Variants in MANBA observed in about 807,000 individuals in gnomAD.
The protein encoded by MANBA is mannosidase beta, also known as beta-mannosidase.
MANBA carries 83 observed loss-of-function variants against 111.1 expected under a neutral mutation model. The ratio of observed to expected loss-of-function variants is 0.75; its 90% CI spans 0.63 to 0.90. The LOEUF is 0.90. Ranked by LOEUF, MANBA falls within the 40% of genes least tolerant of loss-of-function variation. The probability of loss-of-function intolerance (pLI) is 0.00; values close to 1 mark genes in which losing one functional copy is unlikely to be tolerated. For missense variants in MANBA, 1,036 were observed against 1,069.0 expected (o/e 0.97, Z 0.43); for synonymous variants, 370 against 378.7 (o/e 0.98, Z 0.27).
chr4:102,730,471 G>A (rs547666594), intron 1 of MANBA: 2 of 518,652 alleles, frequency 3.9e-6, no homozygotes, highest in South Asian at 3.1e-5. Flanking sequence ...TGCACTGCGG[G>A]GGCGGTTCCT....
chr4:102,684,642 C>G (rs756315944), intron 7 of MANBA, among the ~76,000 whole-genome samples: 12 of 152,140 alleles, frequency 7.9e-5, no homozygotes, highest in African/African-American at 1.4e-4. Flanking sequence ...AGCAGTCCCC[C>G]CTTATCTGCA....
intron 1 of MANBA, chr4:102,728,211 G>C: frequency 1.9e-6 from 1 of 538,060 alleles, no homozygotes; most frequent in Non-Finnish European, 3.8e-6. Context: ...CTTGGGGCTG[G>C]ACTCCTGAGC....
At chr4:102,721,392 C>T (rs943164494) in intron 4 of MANBA, among the ~76,000 whole-genome samples, 1 of 151,610 alleles carries the variant, frequency 6.6e-6, no homozygotes, top group Non-Finnish European at 1.5e-5. Flanking sequence ...ATAGAATTAC[C>T]ATATGATCCA....
intron 1 of MANBA, chr4:102,730,024 G>C: frequency 1.2e-6 from 1 of 808,768 alleles, no homozygotes; most frequent in Non-Finnish European, 2.1e-6. Context: ...CCTCCGCCCA[G>C]ACAACCTTGG....
At chr4:102,661,645 G>A (rs901151338) in intron 11 of MANBA, among the ~76,000 whole-genome samples, 4 of 152,182 alleles carry the variant, frequency 2.6e-5, no homozygotes, top group African/African-American at 4.8e-5. Flanking sequence ...TTGGCACGCT[G>A]AGCCATGCAG....
chr4:102,723,974 A>T lies in MANBA; in HGVS notation c.273-7T>A, dbSNP rs1293554986. The T allele has an allele frequency of 2.0e-6, 3 of 1,526,120 alleles. No individual in the cohort carries two copies. The highest frequency in any genetic ancestry group is 2.3e-5 in the East Asian group (1 of 44,262). 94.5% of individuals were successfully genotyped at this position (1,526,120 alleles called of 1,614,324 possible). On this transcript the variant is annotated splice_region_variant and splice_polypyrimidine_tract_variant and intron_variant, in intron 2 of 16. Transcript: ENST00000647097. ...ATTTACTTTTTGCCATTTGCTAAAA[A>T]AAAGAAAAGATTTTTAAAACAAGAT...
intron 5 of MANBA, among the ~76,000 whole-genome samples, chr4:102,713,939 T>C (rs1722212442): frequency 6.6e-6 from 1 of 151,960 alleles, no homozygotes. Flanking sequence ...ATCTTTCTTT[T>C]GCCCTGTTTA....
Position 102,674,046 on chromosome 4 carries a change from T to C in MANBA, c.985A>G (p.Ile329Val), listed in dbSNP as rs1160701508. Residue 329 changes from isoleucine (I) to valine (V), a missense_variant, in exon 8 of 17, where the codon ATA (isoleucine) becomes GTA (valine). Ile to Val is a conservative substitution (Grantham distance 29). Transcript: ENST00000647097. The part of the protein sequence containing the change: ...AKVYFRTVEL[I>V]EEPIKGSPGL... ...GGAGACCCTTTTATAGGCTCTTCTA[T>C]AAGTTCCACTGTCCTAAAATAAACC... is the stretch of plus-strand genomic sequence containing the variant. The C allele has an allele frequency of 6.2e-7, 1 of 1,600,744 alleles. No homozygotes were observed. The highest frequency in any genetic ancestry group is 8.6e-7 in the Non-Finnish European group (1 of 1,167,864).
At chr4:102,741,782 G>T (rs1407090324) in intron 1 of MANBA, among the ~76,000 whole-genome samples, 6 of 152,168 alleles carry the variant, frequency 3.9e-5, no homozygotes, top group Non-Finnish European at 8.8e-5. Flanking sequence ...AGGGAAGGAT[G>T]GGAAGGTGAG....
chr4:102,725,890 C>T (rs223500), intron 2 of MANBA, among the ~76,000 whole-genome samples: 57,357 of 151,852 alleles, frequency 0.38, 13,466 homozygotes, highest in African/African-American at 0.67. Flanking sequence ...GGTGTTACAT[C>T]AAGAAAAACA....
intron 7 of MANBA, among the ~76,000 whole-genome samples, chr4:102,680,341 G>GAA (rs1731906271): frequency 6.6e-6 from 1 of 152,100 alleles, no homozygotes. Context: ...AACTATACCA[G>GAA]AAAAAAGATA....
At chr4:102,693,821 C>G (rs1307441923) in intron 5 of MANBA, among the ~76,000 whole-genome samples, 9 of 151,618 alleles carry the variant, frequency 5.9e-5, no homozygotes, top group African/African-American at 2.2e-4. Flanking sequence ...CCATTCCAAC[C>G]TTTCTTTAAA....
intron 1 of MANBA, chr4:102,728,071 G>T (rs957775277): frequency 6.6e-5 from 35 of 526,884 alleles, no homozygotes; most frequent in African/African-American, 6.4e-4. Context: ...TAGAAGGCAC[G>T]CCCATGGAGA....
At chr4:102,715,603 C>T (rs1443966125) in intron 4 of MANBA, among the ~76,000 whole-genome samples, 2 of 152,066 alleles carry the variant, frequency 1.3e-5, no homozygotes, top group African/African-American at 2.4e-5. Context: ...AGCTATTAAG[C>T]CTAGTACCCA....
intron 13 of MANBA, among the ~76,000 whole-genome samples, chr4:102,640,275 G>GA: frequency 6.6e-6 from 1 of 152,184 alleles, no homozygotes; most frequent in East Asian, 1.9e-4. Context: ...ACTTTTACTA[G>GA]AAAAAATTCT....
chr4:102,729,698 C>G (rs930172881), intron 1 of MANBA: 6 of 1,555,728 alleles, frequency 3.9e-6, no homozygotes, highest in African/African-American at 1.4e-5. Flanking sequence ...CCAGCTTCAG[C>G]TTCTCCTGGC....
At chr4:102,732,969 A>G (rs781665427) in intron 1 of MANBA, among the ~76,000 whole-genome samples, 13 of 152,200 alleles carry the variant, frequency 8.5e-5, no homozygotes, top group Non-Finnish European at 1.8e-4. Flanking sequence ...GACGGGGCAC[A>G]AGTCCCCTTC....
intron 11 of MANBA, among the ~76,000 whole-genome samples, chr4:102,662,328 T>G (rs1161104248): frequency 6.6e-6 from 1 of 151,736 alleles, no homozygotes; most frequent in Non-Finnish European, 1.5e-5. Flanking sequence ...GAGCAGGAGG[T>G]CAGGAGATTG....
intron 10 of MANBA, chr4:102,666,265 A>G (rs1731215981): frequency 6.6e-6 from 1 of 152,258 alleles, no homozygotes; most frequent in African/African-American, 2.4e-5. Context: ...TAAATGTTAG[A>G]TTTTAATTAT....
Sources: gnomAD v4.1 joint callset for allele counts (sites outside exome capture counted in the v4.1 genomes callset) on GRCh38, gnomAD v4.1.1 for gene constraint, MANE v1.5 for transcripts, NCBI Gene and HGNC (gene_info 2026-07-23, HGNC 2026-07-21) for gene names.